ME3: variants seen among roughly 807,000 people sequenced by gnomAD.
The protein encoded by ME3 is NADP-dependent malic enzyme, mitochondrial.
Under a neutral mutation model 68.9 loss-of-function variants are expected in ME3, and 48 were observed. That is an observed-to-expected ratio of 0.70 (90% CI 0.55 to 0.89). The LOEUF is 0.89. ME3 is among the 40% of genes least tolerant of loss of function. The pLI is 0.00. For synonymous variants in ME3, 320 were observed against 318.8 expected, an observed-to-expected ratio of 1.00 and a Z score of -0.04; for missense variants, 675 against 797.4, an observed-to-expected ratio of 0.85 and a Z score of 1.85.
chr11:86,616,612 A>G (rs911134181), intron 2 of ME3, among the ~76,000 whole-genome samples: 2 of 152,242 alleles, frequency 1.3e-5, no homozygotes, highest in African/African-American at 4.8e-5. Context: ...TACCTCTGTG[A>G]TAGTCCTTTG....
chr11:86,466,122 C>G (rs758198338), intron 7 of ME3, among the ~76,000 whole-genome samples: 3 of 152,118 alleles, frequency 2.0e-5, no homozygotes, highest in Non-Finnish European at 4.4e-5. Flanking sequence ...TTTAACATTG[C>G]CTGTAAGGAA....
chr11:86,534,417 G>A (rs1955503661), intron 4 of ME3, among the ~76,000 whole-genome samples: 1 of 152,114 alleles, frequency 6.6e-6, no homozygotes, highest in African/African-American at 2.4e-5. Flanking sequence ...GCTTACGCCT[G>A]TAATCCCAGC....
At chr11:86,504,040 C>T (rs936269242) in intron 5 of ME3, among the ~76,000 whole-genome samples, 6 of 152,222 alleles carry the variant, frequency 3.9e-5, no homozygotes, top group African/African-American at 1.4e-4. Flanking sequence ...ACTTCGTGGT[C>T]TCCCCAGCCC....
chr11:86,587,553 C>T (rs777853267), intron 2 of ME3, among the ~76,000 whole-genome samples: 1 of 152,226 alleles, frequency 6.6e-6, no homozygotes, highest in Non-Finnish European at 1.5e-5. Context: ...TAACTCGAGT[C>T]TTGCCCCTGG....
Position 86,524,166 on chromosome 11 carries a change from G to A in ME3, c.468-15299C>T, listed in dbSNP as rs80183317. On this transcript the variant is annotated intron_variant, in intron 4 of 14. Coordinates refer to ENST00000543262, the Ensembl canonical transcript of ME3. ...TTTATAAAACAAACACCTTCCTGAC[G>A]TCTAGAAGGCCTCTAGTGAATCTGG... is the stretch of plus-strand genomic sequence containing the variant. Among the ~76,000 whole-genome samples, 354 of 152,200 alleles carry A rather than the reference G, an allele frequency of 2.3e-3. 4 individuals are homozygous for A. The highest frequency in any genetic ancestry group is 7.8e-3 in the African/African-American group (324 of 41,528).
chr11:86,628,346 C>T (rs999459043), intron 2 of ME3, among the ~76,000 whole-genome samples: 1 of 152,156 alleles, frequency 6.6e-6, no homozygotes, highest in African/African-American at 2.4e-5. Context: ...CCTGGGGCAG[C>T]AGATATTTAA....
chr11:86,448,975 G>T lies in ME3; in HGVS notation c.1132-720C>A, dbSNP rs531076337. ...TAAGAGGGAAGAGTGGCTGTCTCTG[G>T]CAGCTTACACCTGTGGCCAGATTAT... On this transcript the variant is annotated intron_variant, in intron 10 of 14. Transcript: ENST00000543262. Among the ~76,000 whole-genome samples, 17 of 152,306 alleles carry T rather than the reference G, an allele frequency of 1.1e-4. 1 individual carries two copies. Among genetic ancestry groups the T allele is most frequent in the Middle Eastern group, 3.4e-3 (1 of 294 alleles).
At chr11:86,442,736 C>G in intron 14 of ME3, 85 bp downstream of exon 14, 2 of 1,144,050 alleles carry the variant, frequency 1.7e-6, no homozygotes, top group South Asian at 2.9e-5. Flanking sequence ...TCCACAGTTT[C>G]CATCCCCTTA....
intron 7 of ME3, among the ~76,000 whole-genome samples, chr11:86,471,579 A>G (rs1950787154): frequency 6.6e-6 from 1 of 152,154 alleles, no homozygotes; most frequent in South Asian, 2.1e-4. Flanking sequence ...ACTTATTGAC[A>G]TTTCTGTTTC....
chr11:86,610,847 T>C (rs1234488277), intron 2 of ME3, among the ~76,000 whole-genome samples: 1 of 152,136 alleles, frequency 6.6e-6, no homozygotes, highest in Non-Finnish European at 1.5e-5. Context: ...TGACAACAAA[T>C]AGGTGATAAG....
At chr11:86,637,317 T>A (rs1475955190) in intron 2 of ME3, among the ~76,000 whole-genome samples, 8 of 106,090 alleles carry the variant, frequency 7.5e-5, no homozygotes, top group Non-Finnish European at 1.1e-4. Context: ...GTACTGAAGG[T>A]AATACGTAAA....
In ME3 at chr11:86,463,495, G is replaced by A. The variant is rs1410486716; in HGVS notation, c.919+1596C>T. Among the ~76,000 whole-genome samples the A allele has an allele frequency of 2.6e-5, 4 of 152,234 alleles. No individual in the cohort carries two copies. In the South Asian group the frequency reaches 6.2e-4, roughly 24 times the overall value. On this transcript the variant is annotated intron_variant, in intron 8 of 14. Transcript: ENST00000543262. Reference sequence around the variant, plus strand: ...TCCTGAACTGCACAGCCCTGTCTGCGCAGTGTCCTGGCTTGTGTGGGTGAG... The same window carrying A: ...TCCTGAACTGCACAGCCCTGTCTGCACAGTGTCCTGGCTTGTGTGGGTGAG...
At chr11:86,442,722 T>A in intron 14 of ME3, 99 bp downstream of exon 14, 1 of 971,852 alleles carries the variant, frequency 1.0e-6, no homozygotes, top group Non-Finnish European at 1.6e-6. Flanking sequence ...GGAGATCCAG[T>A]GTCTCCACAG....
intron 2 of ME3, among the ~76,000 whole-genome samples, chr11:86,626,620 G>A (rs576461178): frequency 6.6e-6 from 1 of 152,324 alleles, no homozygotes; most frequent in East Asian, 1.9e-4. Flanking sequence ...CCTTAGAGCA[G>A]AGACTGTCAA....
At chr11:86,658,024 C>A (rs1198011900) in intron 2 of ME3, among the ~76,000 whole-genome samples, 1 of 152,022 alleles carries the variant, frequency 6.6e-6, no homozygotes, top group Non-Finnish European at 1.5e-5. Flanking sequence ...CTTAGGGGTA[C>A]CATGAAGAAC....
chr11:86,600,694 A>C (rs993141688), intron 2 of ME3, among the ~76,000 whole-genome samples: 3 of 152,002 alleles, frequency 2.0e-5, no homozygotes, highest in Non-Finnish European at 4.4e-5. Context: ...TTGACCACAT[A>C]GTTGGAAGTA....
chr11:86,665,760 C>T (rs961057866), intron 2 of ME3, among the ~76,000 whole-genome samples: 1 of 152,116 alleles, frequency 6.6e-6, no homozygotes, highest in African/African-American at 2.4e-5. Flanking sequence ...CCATGGTGAA[C>T]AGGGGCTGGA....
chr11:86,441,039 G>A (rs116465009), downstream of ME3: 727 of 332,894 alleles, frequency 2.2e-3, 8 homozygotes, highest in African/African-American at 0.015. Flanking sequence ...AGTAGTTGGT[G>A]ATTAATGGTT....
chr11:86,498,107 A>G lies in ME3; in HGVS notation c.561T>C (p.Asp187=), dbSNP rs1300785434. 4 of 1,612,008 alleles carry G rather than the reference A, an allele frequency of 2.5e-6. No homozygotes were observed. In the Admixed American group the frequency reaches 5.0e-5, roughly 20 times the overall value. Residue 187 remains aspartate, a synonymous_variant, in exon 6 of 15, where the codon GAT becomes GAC. Coordinates refer to ENST00000543262, the Ensembl canonical transcript of ME3. ...CTCCCAGGCCCAGGATGCGCTCCCC[A>G]TCAGTCACCACCACGGCCTGAAAAA...
Sources: gnomAD v4.1 joint callset for allele counts (sites outside exome capture counted in the v4.1 genomes callset) on GRCh38, gnomAD v4.1.1 for gene constraint, MANE v1.5 for transcripts, NCBI Gene and HGNC (gene_info 2026-07-23, HGNC 2026-07-21) for gene names.